Variants in KCNK10 observed in about 807,000 individuals in gnomAD.
The protein encoded by KCNK10 is potassium channel subfamily K member 10.
KCNK10 carries 25 observed loss-of-function variants against 47.7 expected under a neutral mutation model. That is an observed-to-expected ratio of 0.52 (90% CI 0.38 to 0.73). The LOEUF is 0.73. Ranked by LOEUF, KCNK10 falls within the 30% of genes least tolerant of loss-of-function variation. The pLI, the probability that KCNK10 is intolerant of heterozygous loss-of-function variation, is 0.00. For synonymous variants in KCNK10, 303 were observed against 285.6 expected (o/e 1.06, Z -0.61); for missense variants, 563 against 714.5 (o/e 0.79, Z 2.42).
intron 1 of KCNK10, among the ~76,000 whole-genome samples, chr14:88,268,634 T>C (rs1478636667): frequency 6.6e-6 from 1 of 152,162 alleles, no homozygotes; most frequent in African/African-American, 2.4e-5. Context: ...AAATAGGCAT[T>C]AAAAATATTT....
intron 3 of KCNK10, among the ~76,000 whole-genome samples, chr14:88,234,214 C>T (rs1886233468): frequency 6.6e-6 from 1 of 152,228 alleles, no homozygotes; most frequent in Admixed American, 6.5e-5. Context: ...GCTGACCTAA[C>T]CTGGCCTAGA....
At chr14:88,274,111 A>C (rs1385312493) in intron 1 of KCNK10, among the ~76,000 whole-genome samples, 1 of 135,048 alleles carries the variant, frequency 7.4e-6, no homozygotes. Context: ...CCCAGCTTGC[A>C]CCTATTAAAA....
chr14:88,240,495 G>C (rs1245128163), intron 3 of KCNK10, among the ~76,000 whole-genome samples: 1 of 152,144 alleles, frequency 6.6e-6, no homozygotes, highest in Admixed American at 6.5e-5. Context: ...AGGTTTGCTA[G>C]CCTTTCATTC....
chr14:88,233,105 A>G (rs184008320), intron 3 of KCNK10, among the ~76,000 whole-genome samples: 170 of 152,352 alleles, frequency 1.1e-3, no homozygotes, highest in Non-Finnish European at 1.7e-3. Flanking sequence ...ACTTGCAGGT[A>G]ATAGAAAGCT....
chr14:88,318,155 C>T (rs925908280), intron 1 of KCNK10, among the ~76,000 whole-genome samples: 2 of 152,236 alleles, frequency 1.3e-5, no homozygotes, highest in Non-Finnish European at 2.9e-5. Flanking sequence ...TGATATGCCA[C>T]TATTTGGGGA....
At chr14:88,273,370 C>CTA (rs1305630729) in intron 1 of KCNK10, among the ~76,000 whole-genome samples, 6 of 152,176 alleles carry the variant, frequency 3.9e-5, no homozygotes, top group African/African-American at 1.4e-4. Context: ...GACTTCAGTA[C>CTA]TATACCATAG....
chr14:88,326,591 G>T, upstream of KCNK10: 2 of 685,734 alleles, frequency 2.9e-6, no homozygotes, highest in East Asian at 2.7e-5. Context: ...AAAACATCGT[G>T]GCGCAAAGTC....
At chr14:88,235,554 A>G (rs1886276814) in intron 3 of KCNK10, among the ~76,000 whole-genome samples, 1 of 152,234 alleles carries the variant, frequency 6.6e-6, no homozygotes, top group South Asian at 2.1e-4. Flanking sequence ...GGAAAGAAAC[A>G]GGAAAAGGAA....
At chr14:88,298,995 T>G (rs1196837712) in intron 1 of KCNK10, among the ~76,000 whole-genome samples, 6 of 152,132 alleles carry the variant, frequency 3.9e-5, no homozygotes, top group Non-Finnish European at 8.8e-5. Context: ...CTTTTAAAGT[T>G]CATCTGAAAT....
intron 2 of KCNK10, among the ~76,000 whole-genome samples, chr14:88,244,777 A>G (rs1886582065): frequency 6.6e-6 from 1 of 152,246 alleles, no homozygotes; most frequent in Non-Finnish European, 1.5e-5. Flanking sequence ...TGAGCTCGGA[A>G]CAGTTTAGCT....
At chr14:88,193,396 A>G (rs1441430847) in intron 4 of KCNK10, among the ~76,000 whole-genome samples, 3 of 152,186 alleles carry the variant, frequency 2.0e-5, no homozygotes, top group Non-Finnish European at 4.4e-5. Context: ...GGATGTGCTG[A>G]AGGCGACACT....
At chr14:88,254,300 C>T (rs545649838) in intron 2 of KCNK10, among the ~76,000 whole-genome samples, 28 of 152,236 alleles carry the variant, frequency 1.8e-4, no homozygotes, top group African/African-American at 6.5e-4. Context: ...GAATAGACCC[C>T]TGTCGTTTGC....
intron 2 of KCNK10, among the ~76,000 whole-genome samples, 189 bp downstream of exon 2, chr14:88,263,013 C>G (rs1887153458): frequency 6.6e-6 from 1 of 152,112 alleles, no homozygotes; most frequent in South Asian, 2.1e-4. Context: ...GACCCTCCTT[C>G]CCCCACACTG....
intron 2 of KCNK10, among the ~76,000 whole-genome samples, chr14:88,241,303 C>T (rs1220906391): frequency 2.0e-5 from 3 of 152,208 alleles, no homozygotes; most frequent in Non-Finnish European, 4.4e-5. Flanking sequence ...ACTTCAGAAC[C>T]TTGGGCAAGT....
intron 1 of KCNK10, among the ~76,000 whole-genome samples, chr14:88,265,489 G>T (rs559901461): frequency 6.6e-6 from 1 of 152,294 alleles, no homozygotes; most frequent in South Asian, 2.1e-4. Context: ...CTTACTCTTT[G>T]ATTTTGGCCA....
In KCNK10 at chr14:88,180,540, C is replaced by T. The variant is rs867283866; in HGVS notation, c.*4995G>A. ...CTGCAGCATAGGTCTGCTGAATCGA[C>T]GGAGCAGGAGTCCTCTCAAAATAAT... On this transcript the variant is annotated 3_prime_UTR_variant, in exon 7 of 7. Transcript: ENST00000319231. The T allele has an allele frequency of 4.3e-5, 15 of 346,094 alleles. No individual in the cohort carries two copies. The highest frequency in any genetic ancestry group is 2.4e-4 in the Admixed American group (5 of 21,136). The allele number at this position is 346,094 out of a possible 1,614,324, so 21.4% of individuals were successfully genotyped here.
At chr14:88,321,611 C>T (rs763749326) in intron 1 of KCNK10, among the ~76,000 whole-genome samples, 13 of 152,288 alleles carry the variant, frequency 8.5e-5, no homozygotes, top group Non-Finnish European at 1.5e-4. Flanking sequence ...AAGGTTTGGG[C>T]TGTATTTAAG....
chr14:88,279,133 C>T (rs11623674), intron 1 of KCNK10, among the ~76,000 whole-genome samples: 19,855 of 152,198 alleles, frequency 0.13, 1,635 homozygotes, highest in Non-Finnish European at 0.18. Flanking sequence ...TTATCAACAG[C>T]TGCTAATTTT....
In KCNK10 at chr14:88,323,061, A is replaced by AG; in HGVS notation, c.-264dup. 2 of 1,296,204 alleles carry AG rather than the reference A, an allele frequency of 1.5e-6. No homozygotes were observed. Among genetic ancestry groups the AG allele is most frequent in the South Asian group, 1.7e-5 (1 of 59,564 alleles). 80.3% of individuals were successfully genotyped at this position (1,296,204 alleles called of 1,614,324 possible). On this transcript the variant is annotated 5_prime_UTR_variant, in exon 1 of 7. Coordinates refer to ENST00000319231, the MANE Select transcript of KCNK10 (RefSeq NM_138317.3). ...GGTAAAAGAAAAAGTAAGATCGGCG[A>AG]GGGGTGGATGAAAGGATGGAGAGGA... is the stretch of plus-strand genomic sequence containing the variant.
Sources: allele counts gnomAD v4.1 joint callset (sites outside exome capture counted in the v4.1 genomes callset), GRCh38; gene constraint gnomAD v4.1.1; transcripts MANE v1.5; gene names NCBI Gene and HGNC (gene_info 2026-07-23, HGNC 2026-07-21).